Variants in CCNK observed in about 807,000 individuals in gnomAD.
The protein encoded by CCNK is cyclin-K.
Under a neutral mutation model 65.0 loss-of-function variants are expected in CCNK, and 9 were observed. The ratio of observed to expected loss-of-function variants is 0.14; its 90% CI spans 0.08 to 0.24. The LOEUF is 0.24. CCNK is among the 10% of genes least tolerant of loss of function. The pLI is 1.00. For synonymous variants in CCNK, 279 were observed against 270.8 expected, an observed-to-expected ratio of 1.03 and a Z score of -0.30; for missense variants, 474 against 720.0, an observed-to-expected ratio of 0.66 and a Z score of 3.91.
chr14:99,503,714 A>G, intron 9 of CCNK, 70 bp downstream of exon 9: 2 of 1,352,746 alleles, frequency 1.5e-6, no homozygotes, highest in Non-Finnish European at 1.0e-6. Flanking sequence ...CTTAGCCAAC[A>G]TTGTTTCTTT....
At chr14:99,500,617 A>G in intron 4 of CCNK, 149 bp from the exon 5 acceptor site, 1 of 638,838 alleles carries the variant, frequency 1.6e-6, no homozygotes, top group Non-Finnish European at 2.8e-6. Context: ...TGAGCATGTT[A>G]AAAGTCTGAG....
chr14:99,490,540 T>C (rs187028041), intron 1 of CCNK, among the ~76,000 whole-genome samples: 74 of 152,288 alleles, frequency 4.9e-4, no homozygotes, highest in African/African-American at 1.6e-3. Context: ...TAAAAAGATA[T>C]ATACATAGAG....
chr14:99,492,493 C>T (rs1454593655), intron 1 of CCNK, 133 bp from the exon 2 acceptor site: 5 of 567,706 alleles, frequency 8.8e-6, no homozygotes, highest in Admixed American at 3.7e-5. Context: ...GGAGTTAGCC[C>T]GGGCTTGTAA....
intron 3 of CCNK, chr14:99,494,038 G>A (rs572357486): frequency 5.2e-5 from 8 of 153,476 alleles, no homozygotes; most frequent in African/African-American, 9.6e-5. Flanking sequence ...CACAGAACAC[G>A]TGATGGAAAG....
chr14:99,486,163 G>A (rs570853262), intron 1 of CCNK, among the ~76,000 whole-genome samples: 4 of 152,132 alleles, frequency 2.6e-5, no homozygotes, highest in Admixed American at 6.5e-5. Flanking sequence ...CTTTTCTTTA[G>A]CATTTGTCAC....
rs1188681618 is a variant in CCNK, at chr14:99,511,986, T to C, written c.*1204T>C. On this transcript the variant is annotated 3_prime_UTR_variant, in exon 11 of 11. Transcript: ENST00000389879. The stretch of plus-strand genomic sequence containing the variant: ...GAGGGGCCTTGGCCCTGTCTCTGCC[T>C]GCTGACCCTGCCACCCACGACAGAA... 3 of 152,234 alleles carry C rather than the reference T, an allele frequency of 2.0e-5. No homozygotes were observed. Among genetic ancestry groups the C allele is most frequent in the African/African-American group, 7.2e-5 (3 of 41,452 alleles). The allele number at this position is 152,234 out of a possible 1,614,324, so 9.4% of individuals were successfully genotyped here.
At chr14:99,502,168 G>A (rs1595316135) in intron 6 of CCNK, 39 bp from the exon 7 acceptor site, 2 of 1,535,224 alleles carry the variant, frequency 1.3e-6, no homozygotes, top group East Asian at 4.9e-5. Flanking sequence ...ATAAATATTA[G>A]ATCATATTAT....
At chr14:99,509,458 C>A (rs539518693) in intron 10 of CCNK, 1 of 152,380 alleles carries the variant, frequency 6.6e-6, no homozygotes, top group South Asian at 2.1e-4. Flanking sequence ...GTATCTTGGG[C>A]GTGCTCAACA....
chr14:99,490,963 C>T (rs1206330912), intron 1 of CCNK, among the ~76,000 whole-genome samples: 2 of 151,590 alleles, frequency 1.3e-5, no homozygotes, highest in African/African-American at 2.4e-5. Flanking sequence ...CTGTTTTTTC[C>T]CCTCCTTTCT....
chr14:99,511,141 T>G lies in CCNK; in HGVS notation c.*359T>G, dbSNP rs1897121369. 1 of 170,726 alleles carries G rather than the reference T, an allele frequency of 5.9e-6. No individual in the cohort carries two copies. Among genetic ancestry groups the G allele is most frequent in the African/African-American group, 2.4e-5 (1 of 42,256 alleles). The allele number at this position is 170,726 out of a possible 1,614,324, so 10.6% of individuals were successfully genotyped here. ...ATTTCCTTCTAGAAATCAGTGCCTA[T>G]TTTTCCTGGAAACTCAATTTTAAAT... On this transcript the variant is annotated 3_prime_UTR_variant, in exon 11 of 11. Transcript: ENST00000389879.
At chr14:99,502,551 GGTAAACTA>G in intron 7 of CCNK, 160 bp from the exon 8 acceptor site, 1 of 1,273,994 alleles carries the variant, frequency 7.8e-7, no homozygotes, top group Non-Finnish European at 1.1e-6. Context: ...ACATACTTTT[GGTAAACTA>G]AAAATACACA....
intron 8 of CCNK, 154 bp downstream of exon 8, chr14:99,503,138 T>C: frequency 1.1e-6 from 1 of 893,336 alleles, no homozygotes; most frequent in Non-Finnish European, 1.8e-6. Context: ...GTGGGGAGCC[T>C]GAAAACAAAG....
chr14:99,482,156 A>C (rs951927526), intron 1 of CCNK, among the ~76,000 whole-genome samples: 7 of 152,368 alleles, frequency 4.6e-5, no homozygotes, highest in Non-Finnish European at 1.0e-4. Context: ...CCCTAAATTT[A>C]GACTGCCAGT....
At chr14:99,481,556 G>A in intron 1 of CCNK, 77 bp downstream of exon 1, 1 of 398,318 alleles carries the variant, frequency 2.5e-6, no homozygotes. Context: ...ATGGCCAACC[G>A]CCGCTATCCA....
At chr14:99,498,580 T>C (rs190431835) in intron 4 of CCNK, among the ~76,000 whole-genome samples, 1 of 152,324 alleles carries the variant, frequency 6.6e-6, no homozygotes, top group Admixed American at 6.5e-5. Flanking sequence ...TTCTCTGTAA[T>C]ATTCGTTTCA....
chr14:99,503,675 T>C (rs543575704), intron 9 of CCNK, 31 bp downstream of exon 9: 11 of 1,531,294 alleles, frequency 7.2e-6, no homozygotes, highest in Middle Eastern at 1.8e-4. Flanking sequence ...TTTTTTAGTT[T>C]TATGTGTTTA....
intron 3 of CCNK, chr14:99,495,052 G>A (rs1417182704): frequency 6.5e-6 from 1 of 153,346 alleles, no homozygotes; most frequent in Non-Finnish European, 1.4e-5. Context: ...AAGGAAGCAT[G>A]GGCAGTGCTG....
intron 4 of CCNK, among the ~76,000 whole-genome samples, chr14:99,499,108 C>A (rs1896763409): frequency 6.6e-6 from 1 of 152,238 alleles, no homozygotes; most frequent in South Asian, 2.1e-4. Flanking sequence ...GGCACAGTCT[C>A]AGCTCACTGC....
intron 4 of CCNK, 130 bp downstream of exon 4, chr14:99,495,759 T>C: frequency 1.4e-6 from 1 of 715,626 alleles, no homozygotes; most frequent in Non-Finnish European, 2.2e-6. Flanking sequence ...GGGCCTTCTG[T>C]AGAAGTTACT....
Sources: allele counts gnomAD v4.1 joint callset (sites outside exome capture counted in the v4.1 genomes callset), GRCh38; gene constraint gnomAD v4.1.1; transcripts MANE v1.5; gene names NCBI Gene and HGNC (gene_info 2026-07-23, HGNC 2026-07-21).